Variants in TSHR observed in about 807,000 individuals in gnomAD.
The protein encoded by TSHR is thyrotropin receptor.
A neutral mutation model predicts 64.1 loss-of-function variants in TSHR; 51 were observed. That is an observed-to-expected ratio of 0.80 (90% confidence interval 0.64 to 1.01). The LOEUF (loss-of-function observed/expected upper bound fraction) is 1.01, where lower values mean the gene tolerates loss of function less well. Ranked by LOEUF, TSHR falls within the 50% of genes least tolerant of loss-of-function variation. The probability of loss-of-function intolerance (pLI) is 0.00; values close to 1 mark genes in which losing one functional copy is unlikely to be tolerated. For missense variants in TSHR, 877 were observed against 942.8 expected, an observed-to-expected ratio of 0.93 and a Z score of 0.91; for synonymous variants, 361 against 361.9, an observed-to-expected ratio of 1.00 and a Z score of 0.03.
intron 1 of TSHR, chr14:80,991,870 A>C (rs1888742231): frequency 3.1e-6 from 1 of 318,468 alleles, no homozygotes; most frequent in East Asian, 4.8e-5. Context: ...ATCTGAGGGC[A>C]CTAGGTGAAA....
intron 1 of TSHR, among the ~76,000 whole-genome samples, chr14:80,976,407 C>T (rs1247344179): frequency 2.6e-5 from 4 of 152,178 alleles, no homozygotes; most frequent in African/African-American, 7.2e-5. Context: ...ACAATTGGTA[C>T]TTATCATCTC....
chr14:81,020,274 C>T (rs1883675763), intron 1 of TSHR, among the ~76,000 whole-genome samples: 1 of 152,180 alleles, frequency 6.6e-6, no homozygotes, highest in African/African-American at 2.4e-5. Context: ...CCTTTTAGAA[C>T]AGGAGTCCCC....
At chr14:81,092,847 G>C (rs986034252) in intron 6 of TSHR, among the ~76,000 whole-genome samples, 2 of 152,184 alleles carry the variant, frequency 1.3e-5, no homozygotes, top group African/African-American at 4.8e-5. Context: ...CATTTTTCAC[G>C]TGAAGAACCA....
chr14:80,980,814 C>G (rs191966916), intron 1 of TSHR, among the ~76,000 whole-genome samples: 69 of 152,234 alleles, frequency 4.5e-4, no homozygotes, highest in Non-Finnish European at 8.8e-4. Context: ...TGATATCTCT[C>G]TGTGCTACAT....
intron 1 of TSHR, among the ~76,000 whole-genome samples, chr14:81,029,558 G>C (rs1448397175): frequency 6.6e-6 from 1 of 152,042 alleles, no homozygotes; most frequent in Non-Finnish European, 1.5e-5. Context: ...TTGATTTTCA[G>C]TTTGAAAATG....
At chr14:81,100,911 A>G (rs1429502381) in intron 7 of TSHR, among the ~76,000 whole-genome samples, 1 of 152,116 alleles carries the variant, frequency 6.6e-6, no homozygotes, top group Non-Finnish European at 1.5e-5. Flanking sequence ...GGCTTGATTT[A>G]TTACATCACT....
intron 4 of TSHR, 122 bp downstream of exon 4, chr14:81,088,150 T>C (rs1888431722): frequency 1.3e-6 from 1 of 797,430 alleles, no homozygotes; most frequent in South Asian, 1.5e-5. Flanking sequence ...GTGTATAGCC[T>C]GGGTCGGGGG....
chr14:81,038,525 T>C (rs1820895876), intron 1 of TSHR, among the ~76,000 whole-genome samples: 1 of 150,640 alleles, frequency 6.6e-6, no homozygotes, highest in Admixed American at 6.6e-5. Context: ...GGCTAAAAAA[T>C]AGAAAACATC....
intron 1 of TSHR, among the ~76,000 whole-genome samples, chr14:81,055,736 C>G (rs1479393940): frequency 6.6e-6 from 1 of 152,126 alleles, no homozygotes; most frequent in Non-Finnish European, 1.5e-5. Flanking sequence ...GCCAATTTCT[C>G]CCATTTGGAA....
chr14:81,095,224 G>T (rs927981991), intron 6 of TSHR, among the ~76,000 whole-genome samples: 2 of 152,214 alleles, frequency 1.3e-5, no homozygotes, highest in South Asian at 2.1e-4. Context: ...TCCCAAGGCT[G>T]GGGCTCCTTC....
At chr14:81,119,333 A>G (rs1890681201) in intron 8 of TSHR, among the ~76,000 whole-genome samples, 2 of 139,384 alleles carry the variant, frequency 1.4e-5, no homozygotes, top group Non-Finnish European at 1.5e-5. Flanking sequence ...AATTTACAAG[A>G]AAAAAACAAA....
At position 81,144,635 on chromosome 14, in the gene TSHR, A is replaced by T. The variant is rs1330716496; in HGVS notation, c.*282A>T. 2 of 471,514 alleles carry T rather than the reference A, an allele frequency of 4.2e-6. No individual in the cohort carries two copies. The highest frequency in any genetic ancestry group is 7.0e-5 in the East Asian group (2 of 28,470). The allele number at this position is 471,514 out of a possible 1,614,324, so 29.2% of individuals were successfully genotyped here. A position where few individuals can be genotyped will look rare whatever the true frequency, so the allele number is the denominator to read the frequency against. ...GACTTTCTTGATGCCAAGTCCAGAG[A>T]TGTCATTGTGTAGGATGTTCAGTAA... On this transcript the variant is annotated 3_prime_UTR_variant, in exon 10 of 10. Coordinates refer to ENST00000298171, the MANE Select transcript of TSHR (RefSeq NM_000369.5).
At position 81,143,042 on chromosome 14, in the gene TSHR, G is replaced by C. The variant is rs1231925448; in HGVS notation, c.984G>C (p.Glu328Asp). Residue 328 changes from glutamate (E) to aspartate (D), a missense_variant, in exon 10 of 10, where the codon GAG becomes GAC. Physicochemically the swap from Glu to Asp is conservative, Grantham distance 45. Coordinates refer to ENST00000298171, the MANE Select transcript of TSHR (RefSeq NM_000369.5). ...GCCCCCTCCACCAGGAATATGAAGA[G>C]AATCTGGGTGACAGCATTGTTGGGT... The part of the protein sequence containing the change: ...LNSPLHQEYE[E>D]NLGDSIVGYK... 1.9e-6 allele frequency: 3 copies of C among 1,614,190 alleles called. No homozygotes were observed. Among genetic ancestry groups the C allele is most frequent in the Non-Finnish European group, 2.5e-6 (3 of 1,180,044 alleles).
intron 3 of TSHR, among the ~76,000 whole-genome samples, chr14:81,082,936 T>C (rs1888014199): frequency 6.6e-6 from 1 of 151,756 alleles, no homozygotes; most frequent in Admixed American, 6.6e-5. Flanking sequence ...TCTCCAAGGG[T>C]GAGAAGCACA....
At chr14:81,108,604 C>A (rs757059238) in intron 8 of TSHR, 152 bp downstream of exon 8, 2 of 1,613,306 alleles carry the variant, frequency 1.2e-6, no homozygotes, top group East Asian at 2.2e-5. Context: ...CTTTTCCTGG[C>A]TGTATAGGCT....
At chr14:81,109,076 T>C in intron 8 of TSHR, 1 of 927,994 alleles carries the variant, frequency 1.1e-6, no homozygotes, top group Non-Finnish European at 1.4e-6. Context: ...TTGCCTCAGT[T>C]TAGAATCTCA....
intron 7 of TSHR, among the ~76,000 whole-genome samples, chr14:81,102,038 G>A (rs1486698613): frequency 6.6e-6 from 1 of 151,980 alleles, no homozygotes; most frequent in Non-Finnish European, 1.5e-5. Flanking sequence ...TGGGCGTGGT[G>A]GCGGGCGCCT....
At chr14:81,141,439 T>C (rs1891682913) in intron 9 of TSHR, among the ~76,000 whole-genome samples, 2 of 152,346 alleles carry the variant, frequency 1.3e-5, no homozygotes, top group African/African-American at 4.8e-5. Context: ...GTGAGTCTGG[T>C]GAGCAAGGAA....
intron 1 of TSHR, among the ~76,000 whole-genome samples, chr14:80,976,540 C>T (rs887169490): frequency 2.0e-5 from 3 of 152,174 alleles, no homozygotes; most frequent in African/African-American, 7.2e-5. Context: ...CCATACTTTT[C>T]TTAGGCTGGG....
Sources: allele counts gnomAD v4.1 joint callset (sites outside exome capture counted in the v4.1 genomes callset), GRCh38; gene constraint gnomAD v4.1.1; transcripts MANE v1.5; gene names NCBI Gene and HGNC (gene_info 2026-07-23, HGNC 2026-07-21).